The following LIG1 variants were observed in gnomAD, a reference collection of about 807,000 sequenced individuals.
LIG1 encodes ligase I, DNA, ATP-dependent.
In LIG1, 70 loss-of-function variants were observed where a neutral mutation model predicts 115.7. That is an observed-to-expected ratio of 0.60 (90% confidence interval 0.50 to 0.74). The LOEUF is 0.74. LIG1 is among the 30% of genes least tolerant of loss of function. The pLI is 0.00. For missense variants in LIG1, 1,115 were observed against 1,225.6 expected, an observed-to-expected ratio of 0.91 and a Z score of 1.35; for synonymous variants, 487 against 495.3, an observed-to-expected ratio of 0.98 and a Z score of 0.22.
At chr19:48,133,337 C>T (rs2034167070) in intron 17 of LIG1, 2 of 542,252 alleles carry the variant, frequency 3.7e-6, no homozygotes, top group African/African-American at 3.8e-5. Flanking sequence ...ATGTCTGGCT[C>T]ACATCCTTGC....
intron 1 of LIG1, among the ~76,000 whole-genome samples, chr19:48,167,825 TAAAAAAAAAAAAAAAA>T (rs776208781): frequency 8.8e-6 from 1 of 113,728 alleles, no homozygotes; most frequent in African/African-American, 3.2e-5. Flanking sequence ...GACCCCGTCT[TAAAAAAAAAAAAAAAA>T]AAAAAAAAAC....
At chr19:48,169,676 A>C in intron 1 of LIG1, 3 of 158,184 alleles carry the variant, frequency 1.9e-5, no homozygotes, top group South Asian at 1.5e-4. Context: ...GCTGCCCGCG[A>C]TTTACCTTCT....
chr19:48,135,868 A>C, intron 15 of LIG1, 89 bp from the exon 16 acceptor site: 1 of 1,310,000 alleles, frequency 7.6e-7, no homozygotes, highest in Non-Finnish European at 1.1e-6. Flanking sequence ...ATGGCAAGGA[A>C]TGCAGATGCC....
chr19:48,161,193 G>A, intron 4 of LIG1, 179 bp downstream of exon 4: 3 of 837,222 alleles, frequency 3.6e-6, no homozygotes, highest in Non-Finnish European at 5.9e-6. Flanking sequence ...CCCACCCGAG[G>A]TCCTAGGGCA....
chr19:48,130,003 G>A (rs759391816), intron 19 of LIG1, among the ~76,000 whole-genome samples: 3 of 152,156 alleles, frequency 2.0e-5, no homozygotes, highest in Admixed American at 6.5e-5. Flanking sequence ...TGATCCACCC[G>A]CCTCAGCCTC....
At chr19:48,164,504 G>A (rs956441369) in intron 2 of LIG1, among the ~76,000 whole-genome samples, 7 of 152,276 alleles carry the variant, frequency 4.6e-5, no homozygotes, top group East Asian at 3.9e-4. Flanking sequence ...GGGTGGACAC[G>A]TGATCCAGGC....
Position 48,137,094 on chromosome 19 carries a change from CA to C in LIG1, c.1255-11del. 1 of 1,610,420 alleles carries C rather than the reference CA, an allele frequency of 6.2e-7. No homozygotes were observed. On this transcript the variant is annotated splice_polypyrimidine_tract_variant and intron_variant, in intron 13 of 27. Transcript: ENST00000263274. The surrounding 1 kb of genome is among the most constrained non-coding windows in gnomAD (Gnocchi z 4.3). ...TCTTCTTGGCTGTGGACTGGAGAGTCAGGGGAAGAGCCGTCAGTGCCTGGTG... is the reference window on the plus strand; with the variant it reads ...TCTTCTTGGCTGTGGACTGGAGAGTCGGGGAAGAGCCGTCAGTGCCTGGTG...
rs530889658 is a variant in LIG1, at chr19:48,122,368, G to T, written c.2232+566C>A. On this transcript the variant is annotated intron_variant, in intron 23 of 27. Coordinates refer to ENST00000263274, the MANE Select transcript of LIG1 (RefSeq NM_000234.3). The surrounding 1 kb of genome is among the most constrained non-coding windows in gnomAD (Gnocchi z 4.3). ...GTTTTATCTCACAGTGGCCCCAGGT[G>T]CTGCCTCATCTGGGGCCTGCTCCCC... 5 of 167,836 alleles carry T rather than the reference G, an allele frequency of 3.0e-5. No homozygotes were observed. The South Asian group carries it at 7.6e-4, about 25-fold the overall frequency. The allele number at this position is 167,836 out of a possible 1,614,324, so 10.4% of individuals were successfully genotyped here.
chr19:48,132,394 C>T (rs915991289), intron 18 of LIG1, among the ~76,000 whole-genome samples: 9 of 152,124 alleles, frequency 5.9e-5, no homozygotes, highest in South Asian at 2.1e-4. Flanking sequence ...AATGAACACA[C>T]CCACCAGCAG....
intron 15 of LIG1, 59 bp downstream of exon 15, chr19:48,135,975 A>G (rs1489046873): frequency 6.7e-5 from 87 of 1,307,972 alleles, no homozygotes; most frequent in Non-Finnish European, 8.3e-5. Flanking sequence ...TCTGAAGAGG[A>G]GGGGGGAAGC....
In LIG1 at chr19:48,123,262, C is replaced by T; in HGVS notation, c.2061G>A (p.Val687=). ...RRRQLLRENF[V]ETEGEFVFAT... Reference sequence around the variant, plus strand: ...CGAAGACAAACTCGCCCTCTGTCTCCACAAAGTTCTCCCGGAGCAGCTGCC... The same window carrying T: ...CGAAGACAAACTCGCCCTCTGTCTCTACAAAGTTCTCCCGGAGCAGCTGCC... The change falls in exon 22 of 28, where the codon GTG becomes GTA. Residue 687 remains valine (V), a synonymous_variant. Transcript: ENST00000263274. The T allele has an allele frequency of 6.2e-7, 1 of 1,614,150 alleles. No homozygotes were observed.
At chr19:48,146,387 A>G (rs2035112623) in intron 9 of LIG1, among the ~76,000 whole-genome samples, 1 of 152,266 alleles carries the variant, frequency 6.6e-6, no homozygotes, top group Non-Finnish European at 1.5e-5. Flanking sequence ...GTTAAAAAGT[A>G]TGACGCAGTG....
intron 21 of LIG1, chr19:48,123,632 T>C (rs1403149586): frequency 1.2e-5 from 5 of 404,754 alleles, no homozygotes; most frequent in Non-Finnish European, 2.3e-5. Context: ...GTTTTTGTTT[T>C]TTTGAGACGG....
At chr19:48,123,735 G>A in intron 21 of LIG1, 1 of 288,824 alleles carries the variant, frequency 3.5e-6, no homozygotes, top group Non-Finnish European at 6.7e-6. Flanking sequence ...GTCTTGCGTC[G>A]GCCTCCCGAG....
Position 48,143,602 on chromosome 19 carries a change from AG to A in LIG1, c.858-4del. On this transcript the variant is annotated splice_region_variant and splice_polypyrimidine_tract_variant and intron_variant, in intron 10 of 27. Transcript: ENST00000263274. ...GGGCCACAGCCAGGTAAGGAACCCT[AG>A]GGAAGGAAAAGAGACGCAAGAGTGA... The A allele has an allele frequency of 6.2e-7, 1 of 1,608,098 alleles. No individual in the cohort carries two copies. Among genetic ancestry groups the A allele is most frequent in the Non-Finnish European group, 8.5e-7 (1 of 1,176,898 alleles).
At position 48,133,939 on chromosome 19, in the gene LIG1, C is replaced by T. The variant is rs559786428; in HGVS notation, c.1609+42G>A. 5 of 1,506,732 alleles carry T rather than the reference C, an allele frequency of 3.3e-6. No individual in the cohort carries two copies. The African/African-American group carries it at 6.9e-5, about 21-fold the overall frequency. 93.3% of individuals were successfully genotyped at this position (1,506,732 alleles called of 1,614,324 possible). A position where few individuals can be genotyped will look rare whatever the true frequency, so the allele number is the denominator to read the frequency against. On this transcript the variant is annotated intron_variant, in intron 17 of 27. Transcript: ENST00000263274. ...ACCCTCACGCCGACTCAGGAGGGAGCAGGGCTGCTGCCAGGCTGGTGAGCG... is the reference window on the plus strand; with the variant it reads ...ACCCTCACGCCGACTCAGGAGGGAGTAGGGCTGCTGCCAGGCTGGTGAGCG...
At chr19:48,127,548 A>C in intron 20 of LIG1, 200 bp from the exon 21 acceptor site, 1 of 622,798 alleles carries the variant, frequency 1.6e-6, no homozygotes, top group South Asian at 1.8e-5. Context: ...ATTCCCCTTC[A>C]CCAGATATTT....
At chr19:48,145,975 G>A (rs185675624) in intron 9 of LIG1, 1 of 152,418 alleles carries the variant, frequency 6.6e-6, no homozygotes, top group East Asian at 1.9e-4. Context: ...CAGGAAACCA[G>A]GATAACAACA....
Position 48,117,647 on chromosome 19 carries a change from C to A in LIG1, c.2574G>T (p.Ala858=). Residue 858 remains alanine (A), a synonymous_variant, in exon 26 of 28, where the codon GCG becomes GCT. Coordinates refer to ENST00000263274, the MANE Select transcript of LIG1 (RefSeq NM_000234.3). ...DLSLSPIYPA[A]RGLVDSDKGI... ...GTCCTCTGCCACTCACCAGGCCCCG[C>A]GCAGCAGGGTAGATGGGAGAGAGGG... 1 of 1,612,656 alleles carries A rather than the reference C, an allele frequency of 6.2e-7. No homozygotes were observed.
Sources: allele counts gnomAD v4.1 joint callset (sites outside exome capture counted in the v4.1 genomes callset), GRCh38; gene constraint gnomAD v4.1.1; non-coding constraint Gnocchi (gnomAD v3.1); transcripts MANE v1.5; gene names NCBI Gene and HGNC (gene_info 2026-07-23, HGNC 2026-07-21).